The following PAPPA2 variants were observed in gnomAD, a reference collection of about 807,000 sequenced individuals.
The protein encoded by PAPPA2 is pappalysin 2.
Under a neutral mutation model 176.4 loss-of-function variants are expected in PAPPA2, and 86 were observed. That is an observed-to-expected ratio of 0.49 (90% CI 0.41 to 0.58). The LOEUF (loss-of-function observed/expected upper bound fraction) is 0.58. Ranked by LOEUF, PAPPA2 falls within the 20% of genes least tolerant of loss-of-function variation. PAPPA2 has a pLI of 0.00. For synonymous variants in PAPPA2, 809 were observed against 852.2 expected (o/e 0.95, Z 0.88); for missense variants, 2,073 against 2,256.9 (o/e 0.92, Z 1.65).
At chr1:176,508,204 A>G (rs1319913822) in intron 1 of PAPPA2, among the ~76,000 whole-genome samples, 5 of 152,204 alleles carry the variant, frequency 3.3e-5, no homozygotes. Context: ...CATCATTCAA[A>G]ACATAAAATT....
At chr1:176,789,768 G>A in intron 17 of PAPPA2, 41 bp from the exon 18 acceptor site, 1 of 1,570,464 alleles carries the variant, frequency 6.4e-7, no homozygotes, top group Middle Eastern at 1.7e-4. Context: ...TGACCTTCTT[G>A]AAAGATTCTG....
chr1:176,696,051 GA>G (rs1188217053), intron 7 of PAPPA2, among the ~76,000 whole-genome samples, 192 bp downstream of exon 7: 2 of 151,560 alleles, frequency 1.3e-5, no homozygotes, highest in Non-Finnish European at 2.9e-5. Flanking sequence ...GCTGTGTGCA[GA>G]ATGTTCCATA....
intron 21 of PAPPA2, among the ~76,000 whole-genome samples, chr1:176,808,144 T>TA (rs60910493): frequency 0.1 from 15,279 of 148,000 alleles, 2,558 homozygotes; most frequent in African/African-American, 0.35. Flanking sequence ...GCTTATAGTG[T>TA]AAAAAAAAAA....
chr1:176,723,720 A>G (rs1220482382), intron 12 of PAPPA2, among the ~76,000 whole-genome samples: 1 of 152,176 alleles, frequency 6.6e-6, no homozygotes, highest in Non-Finnish European at 1.5e-5. Flanking sequence ...TTTAGTCTAC[A>G]TTTACTGAAA....
chr1:176,542,082 C>T (rs1650392459), intron 1 of PAPPA2, among the ~76,000 whole-genome samples: 1 of 152,172 alleles, frequency 6.6e-6, no homozygotes, highest in African/African-American at 2.4e-5. Flanking sequence ...CTAGTTGTGT[C>T]AGAAGTATTT....
chr1:176,552,223 T>G (rs1025405370), intron 1 of PAPPA2, among the ~76,000 whole-genome samples: 10 of 151,888 alleles, frequency 6.6e-5, no homozygotes, highest in Non-Finnish European at 1.2e-4. Context: ...TTCCCTCTTC[T>G]CTTCTCTACT....
intron 9 of PAPPA2, among the ~76,000 whole-genome samples, chr1:176,702,989 A>G (rs1660731794): frequency 6.6e-6 from 1 of 152,090 alleles, no homozygotes; most frequent in African/African-American, 2.4e-5. Flanking sequence ...ACTTTTACTT[A>G]TAGCTAACCC....
intron 1 of PAPPA2, among the ~76,000 whole-genome samples, chr1:176,504,875 G>A (rs1408980201): frequency 6.6e-6 from 1 of 152,094 alleles, no homozygotes. Flanking sequence ...GATGGATGAT[G>A]AAATGAAGAT....
intron 3 of PAPPA2, among the ~76,000 whole-genome samples, chr1:176,645,907 C>T (rs1027501655): frequency 1.3e-5 from 2 of 151,448 alleles, no homozygotes; most frequent in Non-Finnish European, 3.0e-5. Context: ...AAGGTTTATT[C>T]CGGTTTTTTG....
intron 1 of PAPPA2, among the ~76,000 whole-genome samples, chr1:176,503,440 A>G (rs2294644): frequency 0.079 from 12,050 of 152,222 alleles, 589 homozygotes; most frequent in South Asian, 0.15. Flanking sequence ...TTGCCATGTA[A>G]CACAACATAT....
At chr1:176,714,049 G>A (rs144504086) in intron 12 of PAPPA2, among the ~76,000 whole-genome samples, 1,743 of 152,128 alleles carry the variant, frequency 0.011, 22 homozygotes, top group Non-Finnish European at 0.018. Context: ...TAATGGACCC[G>A]GGGCAGATAG....
intron 3 of PAPPA2, among the ~76,000 whole-genome samples, chr1:176,628,425 T>G (rs1656153930): frequency 6.6e-6 from 1 of 152,142 alleles, no homozygotes; most frequent in African/African-American, 2.4e-5. Context: ...TACTACCTTG[T>G]TATGTACTGT....
chr1:176,779,501 CACACACACACACACACACAGAGAG>C (rs1366359867), intron 17 of PAPPA2, among the ~76,000 whole-genome samples: 3 of 148,712 alleles, frequency 2.0e-5, no homozygotes, highest in African/African-American at 7.5e-5. Flanking sequence ...CACACACACA[CACACACACACACACACACAGAGAG>C]AGAGAGAGAG....
chr1:176,699,695 G>T, intron 8 of PAPPA2, 106 bp downstream of exon 8: 1 of 1,469,474 alleles, frequency 6.8e-7, no homozygotes. Flanking sequence ...TCGGAGGAAT[G>T]TTTAGACTTT....
chr1:176,794,781 TGCTGGATGTG>T (rs76202400), intron 20 of PAPPA2, among the ~76,000 whole-genome samples: 62,769 of 152,050 alleles, frequency 0.41, 14,384 homozygotes, highest in African/African-American at 0.6. Context: ...GACAAGGGCA[TGCTGGATGTG>T]AGAGATGTAA....
chr1:176,796,840 A>G (rs1466833115), intron 20 of PAPPA2, among the ~76,000 whole-genome samples: 1 of 113,572 alleles, frequency 8.8e-6, no homozygotes, highest in Non-Finnish European at 1.7e-5. Context: ...TCTCTTTCTG[A>G]CCCCCTCTCT....
At chr1:176,633,439 A>G (rs1486554076) in intron 3 of PAPPA2, among the ~76,000 whole-genome samples, 1 of 152,214 alleles carries the variant, frequency 6.6e-6, no homozygotes, top group Non-Finnish European at 1.5e-5. Context: ...TGCATCTTGT[A>G]AAAATTTGAA....
chr1:176,808,144 TA>T lies in PAPPA2; in HGVS notation c.5202+8023del, dbSNP rs60910493. On this transcript the variant is annotated intron_variant, in intron 21 of 22. Transcript: ENST00000367662. Reference sequence around the variant, plus strand: ...TTGGCAATGGATTCAGCTTATAGTGTAAAAAAAAAAATGCTTAAGAATTATA... The same window carrying T: ...TTGGCAATGGATTCAGCTTATAGTGTAAAAAAAAAATGCTTAAGAATTATA... Among the ~76,000 whole-genome samples, 272 of 147,582 alleles carry T rather than the reference TA, an allele frequency of 1.8e-3. 1 individual carries two copies. Among genetic ancestry groups the T allele is most frequent in the Middle Eastern group, 7.0e-3 (2 of 284 alleles).
intron 3 of PAPPA2, among the ~76,000 whole-genome samples, chr1:176,666,683 T>G (rs1658675388): frequency 6.6e-6 from 1 of 151,456 alleles, no homozygotes. Flanking sequence ...GGCTTGATTA[T>G]ATCATCAAAG....
Sources: allele counts gnomAD v4.1 joint callset (sites outside exome capture counted in the v4.1 genomes callset), GRCh38; gene constraint gnomAD v4.1.1; transcripts MANE v1.5; gene names NCBI Gene and HGNC (gene_info 2026-07-23, HGNC 2026-07-21).